The following KCND2 variants were observed in gnomAD, a reference collection of about 807,000 sequenced individuals.
KCND2 encodes the protein potassium voltage-gated channel subfamily D member 2, also known as A-type voltage-gated potassium channel KCND2.
KCND2 carries 16 observed loss-of-function variants against 54.4 expected under a neutral mutation model. The ratio of observed to expected loss-of-function variants is 0.29; its 90% CI spans 0.20 to 0.45. KCND2 has a LOEUF of 0.45. KCND2 is among the 20% of genes least tolerant of loss of function. The pLI is 1.00. For missense variants in KCND2, 486 were observed against 824.2 expected (o/e 0.59, Z 5.02); for synonymous variants, 317 against 310.7 (o/e 1.02, Z -0.21).
intron 1 of KCND2, among the ~76,000 whole-genome samples, chr7:120,440,146 C>T (rs1801927316): frequency 6.6e-6 from 1 of 152,012 alleles, no homozygotes. Context: ...TCCACGCTCT[C>T]ACCAGCATTT....
intron 1 of KCND2, among the ~76,000 whole-genome samples, chr7:120,458,305 C>A (rs1802232081): frequency 1.3e-5 from 2 of 152,126 alleles, no homozygotes; most frequent in Admixed American, 6.5e-5. Context: ...AGGTTTGGGT[C>A]TAAGACACAG....
At position 120,749,712 on chromosome 7, in the gene KCND2, T is replaced by C. The variant is rs1430649327; in HGVS notation, c.*1854T>C. 1 of 152,406 alleles carries C rather than the reference T, an allele frequency of 6.6e-6. No individual in the cohort carries two copies. The highest frequency in any genetic ancestry group is 2.4e-5 in the African/African-American group (1 of 41,460). The allele number at this position is 152,406 out of a possible 1,614,324, so 9.4% of individuals were successfully genotyped here. A position where few individuals can be genotyped will look rare whatever the true frequency, so the allele number is the denominator to read the frequency against. ...AAAGTAAGATAAACTCAACTATCTC[T>C]TGGGAAGAACTGGCTTCATTCCTAG... is the stretch of plus-strand genomic sequence containing the variant. On this transcript the variant is annotated 3_prime_UTR_variant, in exon 6 of 6. Transcript: ENST00000331113.
intron 1 of KCND2, among the ~76,000 whole-genome samples, chr7:120,288,357 T>C (rs1029176996): frequency 6.6e-6 from 1 of 152,092 alleles, no homozygotes; most frequent in African/African-American, 2.4e-5. Context: ...TAAACAGAAG[T>C]TGATTTGAAA....
chr7:120,376,818 G>A (rs1800840672), intron 1 of KCND2, among the ~76,000 whole-genome samples: 1 of 151,802 alleles, frequency 6.6e-6, no homozygotes, highest in Non-Finnish European at 1.5e-5. Context: ...TCAAATTTAT[G>A]TATGTTAATT....
chr7:120,653,211 T>TA (rs1457399568), intron 1 of KCND2, among the ~76,000 whole-genome samples: 4 of 151,610 alleles, frequency 2.6e-5, no homozygotes, highest in Non-Finnish European at 5.9e-5. Flanking sequence ...ATTTTTTTTT[T>TA]TTTTTTGTAT....
intron 1 of KCND2, among the ~76,000 whole-genome samples, chr7:120,300,334 A>T (rs1799567946): frequency 6.6e-6 from 1 of 152,166 alleles, no homozygotes; most frequent in African/African-American, 2.4e-5. Flanking sequence ...CAGCAAATAC[A>T]TGAAGGAACT....
chr7:120,405,194 A>G (rs1394708225), intron 1 of KCND2, among the ~76,000 whole-genome samples: 1 of 152,190 alleles, frequency 6.6e-6, no homozygotes, highest in African/African-American at 2.4e-5. Context: ...TTAAAAGCCA[A>G]TGCAAGTAAT....
chr7:120,728,542 T>C (rs1792765493), intron 1 of KCND2, among the ~76,000 whole-genome samples: 1 of 152,124 alleles, frequency 6.6e-6, no homozygotes, highest in African/African-American at 2.4e-5. Context: ...CACCAGCCTC[T>C]GCTTCCCAAA....
At chr7:120,384,484 T>C (rs113889506) in intron 1 of KCND2, among the ~76,000 whole-genome samples, 10 of 152,280 alleles carry the variant, frequency 6.6e-5, no homozygotes, top group African/African-American at 2.2e-4. Context: ...CTTAAGCTCC[T>C]ACCCCTGAAT....
intron 1 of KCND2, among the ~76,000 whole-genome samples, chr7:120,648,373 T>G (rs1793467508): frequency 6.6e-6 from 1 of 151,908 alleles, no homozygotes; most frequent in Non-Finnish European, 1.5e-5. Context: ...GAGGGAAAAT[T>G]ATGTGGAGTA....
intron 1 of KCND2, among the ~76,000 whole-genome samples, chr7:120,284,611 C>A (rs1447569309): frequency 6.6e-6 from 1 of 152,110 alleles, no homozygotes; most frequent in Non-Finnish European, 1.5e-5. Flanking sequence ...GTATTAGAGT[C>A]ATGGAATTTT....
At chr7:120,431,912 TGGA>T (rs1254272554) in intron 1 of KCND2, among the ~76,000 whole-genome samples, 2 of 152,050 alleles carry the variant, frequency 1.3e-5, no homozygotes, top group Non-Finnish European at 2.9e-5. Context: ...TCTGAAACCT[TGGA>T]TATGTGTAGT....
At chr7:120,659,786 C>T (rs118055789) in intron 1 of KCND2, among the ~76,000 whole-genome samples, 3,725 of 152,220 alleles carry the variant, frequency 0.024, 69 homozygotes, top group Non-Finnish European at 0.035. Flanking sequence ...TGCAGAATCC[C>T]GCAGAACCTG....
chr7:120,420,640 G>C (rs974935528), intron 1 of KCND2, among the ~76,000 whole-genome samples: 1 of 152,082 alleles, frequency 6.6e-6, no homozygotes, highest in African/African-American at 2.4e-5. Context: ...GTCTATGAAA[G>C]GAATCTGCTC....
At chr7:120,620,786 T>A (rs1470354748) in intron 1 of KCND2, among the ~76,000 whole-genome samples, 1 of 152,104 alleles carries the variant, frequency 6.6e-6, no homozygotes, top group Non-Finnish European at 1.5e-5. Flanking sequence ...ATATGCTACT[T>A]GAATAGGTAA....
chr7:120,384,454 C>T (rs1398048037), intron 1 of KCND2, among the ~76,000 whole-genome samples: 2 of 152,172 alleles, frequency 1.3e-5, no homozygotes, highest in African/African-American at 4.8e-5. Flanking sequence ...CAGTGACACA[C>T]ATATGCTCTC....
At chr7:120,386,397 A>G (rs886911409) in intron 1 of KCND2, among the ~76,000 whole-genome samples, 3 of 151,980 alleles carry the variant, frequency 2.0e-5, no homozygotes, top group African/African-American at 7.2e-5. Flanking sequence ...TTCCCCCTCA[A>G]TGGTGCTTCG....
intron 1 of KCND2, among the ~76,000 whole-genome samples, chr7:120,646,422 G>A (rs995066655): frequency 3.9e-5 from 6 of 152,076 alleles, no homozygotes; most frequent in South Asian, 2.1e-4. Context: ...TTTTCTGTTA[G>A]TGATTTTATT....
chr7:120,505,876 T>A (rs546596319), intron 1 of KCND2, among the ~76,000 whole-genome samples: 1 of 151,808 alleles, frequency 6.6e-6, no homozygotes, highest in Non-Finnish European at 1.5e-5. Flanking sequence ...TAACATACAA[T>A]CCCCTGTCTA....
Sources: gnomAD v4.1 joint callset for allele counts (sites outside exome capture counted in the v4.1 genomes callset) on GRCh38, gnomAD v4.1.1 for gene constraint, MANE v1.5 for transcripts, NCBI Gene and HGNC (gene_info 2026-07-23, HGNC 2026-07-21) for gene names.